The following CTBP2 variants were observed in gnomAD, a reference collection of about 807,000 sequenced individuals.
CTBP2 encodes the protein C-terminal-binding protein 2.
CTBP2 carries 30 observed loss-of-function variants against 80.3 expected under a neutral mutation model. The observed-to-expected ratio is 0.37, with a 90% CI of 0.28 to 0.51. The LOEUF is 0.51. CTBP2 is among the 20% of genes least tolerant of loss of function. The pLI, the probability that CTBP2 is intolerant of heterozygous loss-of-function variation, is 0.93. For missense variants in CTBP2, 1,212 were observed against 1,375.3 expected (o/e 0.88, Z 1.88); for synonymous variants, 594 against 587.4 (o/e 1.01, Z -0.16).
intron 2 of CTBP2, among the ~76,000 whole-genome samples, chr10:125,058,970 G>T (rs775031260): frequency 2.0e-5 from 3 of 152,148 alleles, no homozygotes; most frequent in Non-Finnish European, 4.4e-5. Flanking sequence ...ACCACCAAAA[G>T]CACATCCCCA....
At chr10:125,105,890 C>T (rs555848786) in intron 2 of CTBP2, among the ~76,000 whole-genome samples, 4 of 152,344 alleles carry the variant, frequency 2.6e-5, no homozygotes, top group African/African-American at 7.2e-5. Flanking sequence ...TCGGCATCTA[C>T]GCCCCAGCCT....
At chr10:125,041,109 G>C (rs1959613315) in intron 2 of CTBP2, among the ~76,000 whole-genome samples, 1 of 152,086 alleles carries the variant, frequency 6.6e-6, no homozygotes, top group Admixed American at 6.5e-5. Context: ...GGTGAGACAG[G>C]GTCTGTTCTT....
At chr10:125,032,066 C>A (rs1352728251), upstream of CTBP2, among the ~76,000 whole-genome samples, 2 of 151,502 alleles carry the variant, frequency 1.3e-5, no homozygotes, top group African/African-American at 2.4e-5. Flanking sequence ...AAAAAAAAAA[C>A]AAGCCCATTC....
At chr10:124,992,194 T>C (rs1166218301) in intron 8 of CTBP2, among the ~76,000 whole-genome samples, 3 of 149,800 alleles carry the variant, frequency 2.0e-5, no homozygotes, top group African/African-American at 4.9e-5. Context: ...CGTATACCTT[T>C]CTCTTTGAGA....
chr10:125,081,285 G>A (rs1032192392), intron 2 of CTBP2, among the ~76,000 whole-genome samples: 1 of 152,204 alleles, frequency 6.6e-6, no homozygotes, highest in African/African-American at 2.4e-5. Context: ...AAGGAAACCA[G>A]AGGCAACGCA....
chr10:124,993,119 T>C (rs7097802), intron 7 of CTBP2, 83 bp downstream of exon 9: 1,423,004 of 1,498,554 alleles, frequency 0.95, 676,417 homozygotes, highest in Admixed American at 0.97. Flanking sequence ...TGTCGAGAGC[T>C]GCCTGTAGCC....
intron 1 of CTBP2, among the ~76,000 whole-genome samples, chr10:125,119,366 T>C (rs1853922755): frequency 6.6e-6 from 1 of 152,186 alleles, no homozygotes; most frequent in South Asian, 2.1e-4. Context: ...TGAGATTCCA[T>C]GCCCCACTCC....
intron 1 of CTBP2, among the ~76,000 whole-genome samples, chr10:125,124,334 T>C (rs371535514): frequency 7.9e-5 from 12 of 152,176 alleles, no homozygotes; most frequent in East Asian, 3.9e-4. Flanking sequence ...GCACTCCCGG[T>C]AACTCCCCGC....
At chr10:125,083,396 C>T (rs1350887022) in intron 2 of CTBP2, among the ~76,000 whole-genome samples, 2 of 152,176 alleles carry the variant, frequency 1.3e-5, no homozygotes, top group African/African-American at 4.8e-5. Flanking sequence ...ACTGCTGAGC[C>T]TCTGAGTTCC....
intron 2 of CTBP2, among the ~76,000 whole-genome samples, chr10:125,050,111 G>T (rs1447167657): frequency 1.3e-5 from 2 of 152,180 alleles, no homozygotes; most frequent in East Asian, 1.9e-4. Flanking sequence ...TCAGACCTCA[G>T]GAGTGGAGGA....
intron 1 of CTBP2, among the ~76,000 whole-genome samples, chr10:125,153,655 T>A (rs916908193): frequency 6.6e-6 from 1 of 152,224 alleles, no homozygotes; most frequent in Non-Finnish European, 1.5e-5. Flanking sequence ...GGTTAGATTC[T>A]GGCCACTTAC....
At chr10:125,006,032 A>G in intron 1 of CTBP2, 1 of 1,407,818 alleles carries the variant, frequency 7.1e-7, no homozygotes, top group Non-Finnish European at 9.2e-7. Flanking sequence ...CATCCGCAGC[A>G]TCATCAGTGC....
At chr10:125,049,958 C>T (rs868224481) in intron 2 of CTBP2, among the ~76,000 whole-genome samples, 25 of 152,184 alleles carry the variant, frequency 1.6e-4, no homozygotes, top group South Asian at 8.3e-4. Context: ...CCAAACCCCA[C>T]GTCTGTGGGG....
rs991658884 is a variant in CTBP2 at position 125,112,416 on chromosome 10, A to C, written c.-205-1323T>G. 2.2e-5 allele frequency among the ~76,000 whole-genome samples: 3 copies of C among 135,386 alleles called. No homozygotes were observed. The Admixed American group carries it at 2.3e-4, about 10-fold the overall frequency. 88.8% of individuals were successfully genotyped at this position (135,386 alleles called of 152,430 possible). A position where few individuals can be genotyped will look rare whatever the true frequency, so the allele number is the denominator to read the frequency against. ...GCGTGAGCCACCGCGCCCAGCCATC[A>C]TTCTACCTTTTTCGTTTTTTTTTTT... is the stretch of plus-strand genomic sequence containing the variant. On this transcript the variant is annotated intron_variant, in intron 1 of 10. Coordinates refer to the CTBP2 transcript ENST00000337195.
chr10:125,098,708 C>CAGAGAGAGAGAGAGACAGAGAGAGAGAG (rs1850049581), intron 2 of CTBP2, among the ~76,000 whole-genome samples: 2 of 65,744 alleles, frequency 3.0e-5, no homozygotes, highest in South Asian at 5.2e-4. Flanking sequence ...GAGAGAGAGA[C>CAGAGAGAGAGAGAGACAGAGAGAGAGAG]AGAGAGAGAG....
rs375746412 is a variant in CTBP2 at position 125,070,912 on chromosome 10, G to A, written c.-101-31757C>T. The stretch of plus-strand genomic sequence containing the variant: ...CCCAAAGTGCCAGGATTACGGGTGC[G>A]AGCCACCATGCTTGGCCTAAAATTT... On this transcript the variant is annotated intron_variant, in intron 2 of 10. Coordinates refer to the CTBP2 transcript ENST00000337195. Among the ~76,000 whole-genome samples the A allele has an allele frequency of 5.9e-5, 9 of 152,258 alleles. No individual in the cohort carries two copies. The East Asian group carries it at 7.7e-4, about 13-fold the overall frequency.
In CTBP2 at chr10:125,066,612, G is replaced by A. The variant is rs1384170643; in HGVS notation, c.-101-27457C>T. ...ACGACTCAAAGTCTGCCTGGTGGAGGAGGGTGACACCTGCACAGAAGCCAG... is the reference window on the plus strand; with the variant it reads ...ACGACTCAAAGTCTGCCTGGTGGAGAAGGGTGACACCTGCACAGAAGCCAG... On this transcript the variant is annotated intron_variant, in intron 2 of 10. Coordinates refer to the CTBP2 transcript ENST00000337195. The surrounding 1 kb of genome is among the most constrained non-coding windows in gnomAD (Gnocchi z 4.1). Among the ~76,000 whole-genome samples, 1 of 152,146 alleles carries A rather than the reference G, an allele frequency of 6.6e-6. No individual in the cohort carries two copies. Among genetic ancestry groups the A allele is most frequent in the African/African-American group, 2.4e-5 (1 of 41,436 alleles).
At chr10:125,077,911 C>T (rs1846521013) in intron 2 of CTBP2, among the ~76,000 whole-genome samples, 1 of 152,198 alleles carries the variant, frequency 6.6e-6, no homozygotes, top group Non-Finnish European at 1.5e-5. Flanking sequence ...CCAAGTCTGA[C>T]TTCAGATTCA....
At chr10:125,109,149 T>G (rs1851902531) in intron 2 of CTBP2, among the ~76,000 whole-genome samples, 1 of 152,234 alleles carries the variant, frequency 6.6e-6, no homozygotes, top group Admixed American at 6.5e-5. Flanking sequence ...GTCCATTTCA[T>G]CCTTATACAC....
Sources: gnomAD v4.1 joint callset for allele counts (sites outside exome capture counted in the v4.1 genomes callset) on GRCh38, gnomAD v4.1.1 for gene constraint, Gnocchi (gnomAD v3.1) non-coding constraint, MANE v1.5 for transcripts, NCBI Gene and HGNC (gene_info 2026-07-23, HGNC 2026-07-21) for gene names.